Variants in B3GNT7 observed in about 807,000 individuals in gnomAD.
B3GNT7 encodes BGnT-7.
A neutral mutation model predicts 5.1 loss-of-function variants in B3GNT7; 9 were observed. That is an observed-to-expected ratio of 1.77 (90% CI 1.07 to 3.09). B3GNT7 has a LOEUF of 3.09. B3GNT7 is among the 30% of genes most tolerant of loss of function. The probability of loss-of-function intolerance (pLI) is 0.00; values close to 1 mark genes in which losing one functional copy is unlikely to be tolerated. For missense variants in B3GNT7, 468 were observed against 550.8 expected, an observed-to-expected ratio of 0.85 and a Z score of 1.50; for synonymous variants, 253 against 248.6, an observed-to-expected ratio of 1.02 and a Z score of -0.17.
rs2046532992 is a variant in B3GNT7 at position 231,398,221 on chromosome 2, C to T, written c.502C>T (p.Arg168Ter). Reference protein sequence around the residue: ...GRERQSAGGGRGAVRTLFLLG... With the variant: ...GRERQSAGGG ...CGAGCGGCAGTCCGCGGGTGGGGGC[C>T]GAGGCGCCGTGCGCACCCTCTTCCT... Residue 168 changes from arginine (R) to a stop codon, truncating the protein, a stop_gained, in exon 2 of 2, where the codon CGA (arginine) becomes TGA (stop). Coordinates refer to ENST00000287590, the MANE Select transcript of B3GNT7 (RefSeq NM_145236.3). LOFTEE classifies it low-confidence loss of function (END_TRUNC). The T allele has an allele frequency of 6.2e-7, 1 of 1,600,868 alleles. No individual in the cohort carries two copies. Among genetic ancestry groups the T allele is most frequent in the African/African-American group, 1.3e-5 (1 of 74,636 alleles).
At chr2:231,396,766 C>T (rs959679804) in intron 1 of B3GNT7, among the ~76,000 whole-genome samples, 24 of 152,258 alleles carry the variant, frequency 1.6e-4, no homozygotes, top group African/African-American at 5.1e-4. Context: ...TGGCAGCCCC[C>T]GGAGGGTGAG....
Position 231,398,647 on chromosome 2 carries a change from GC to G in B3GNT7, c.931del (p.Arg311GlyfsTer50), listed in dbSNP as rs777983109. The G allele has an allele frequency of 6.2e-7, 1 of 1,611,918 alleles. No individual in the cohort carries two copies. Among genetic ancestry groups the G allele is most frequent in the Non-Finnish European group, 8.5e-7 (1 of 1,179,578 alleles). On this transcript the variant is annotated frameshift_variant, in exon 2 of 2. Coordinates refer to ENST00000287590, the MANE Select transcript of B3GNT7 (RefSeq NM_145236.3). LOFTEE classifies it high-confidence loss of function. ...GGGFLMAGSLARRLHHACDTL... is the reference protein window; with the variant it reads ...GGGFLMAGSLXRRLHHACDTL... Reference sequence around the variant, plus strand: ...TGGCTTCCTCATGGCCGGCAGCCTGGCCCGGCGCCTGCACCATGCCTGCGAC... The same window carrying G: ...TGGCTTCCTCATGGCCGGCAGCCTGGCCGGCGCCTGCACCATGCCTGCGAC...
rs753518546 is a variant in B3GNT7 at position 231,398,550 on chromosome 2, G to C, written c.831G>C (p.Arg277Ser). 1 of 1,613,406 alleles carries C rather than the reference G, an allele frequency of 6.2e-7. No individual in the cohort carries two copies. The highest frequency in any genetic ancestry group is 1.7e-5 in the Admixed American group (1 of 59,986). The part of the protein sequence containing the change: ...DVLQHARPIR[R>S]KDNKYYIPGA... ...TGCAGCACGCTCGGCCCATTCGCAG[G>C]AAAGACAACAAATACTACATCCCGG... Residue 277 changes from arginine (R) to serine (S), a missense_variant, in exon 2 of 2, where the codon AGG (arginine) becomes AGC (serine). Arg to Ser is a moderately radical substitution (Grantham distance 110, BLOSUM62 -1). Coordinates refer to ENST00000287590, the MANE Select transcript of B3GNT7 (RefSeq NM_145236.3).
chr2:231,398,439 C>T lies in B3GNT7; in HGVS notation c.720C>T (p.Asp240=), dbSNP rs762434101. The T allele has an allele frequency of 1.6e-5, 26 of 1,613,768 alleles. No homozygotes were observed. Among genetic ancestry groups the T allele is most frequent in the Middle Eastern group, 1.6e-4 (1 of 6,062 alleles). The change falls in exon 2 of 2, where the codon GAC becomes GAT. Residue 240 remains aspartate (D), a synonymous_variant. Transcript: ENST00000287590. ...ACGTCCCCTTCATTTTCAAAGGCGA[C>T]GATGACGTCTTCGTCAACCCCACCA... ...CPHVPFIFKG[D]DDVFVNPTNL...
rs2046508074 is a variant in B3GNT7, at chr2:231,395,837, G to A, written c.11+23G>A. 1.7e-6 allele frequency: 2 copies of A among 1,160,822 alleles called. No individual in the cohort carries two copies. Among genetic ancestry groups the A allele is most frequent in the South Asian group, 8.4e-5 (2 of 23,704 alleles). The allele number at this position is 1,160,822 out of a possible 1,614,324, so 71.9% of individuals were successfully genotyped here. On this transcript the variant is annotated intron_variant, in intron 1 of 1. Coordinates refer to ENST00000287590, the MANE Select transcript of B3GNT7 (RefSeq NM_145236.3). This position sits in a 1 kb window ranked among gnomAD's most constrained non-coding sequence, Gnocchi z 7.3. Reference sequence around the variant, plus strand: ...GTGGTGAGTGGGGCTGGGGGCCGTCGGGGGCCTGGGCGGGGGCGTGGGCCC... The same window carrying A: ...GTGGTGAGTGGGGCTGGGGGCCGTCAGGGGCCTGGGCGGGGGCGTGGGCCC...
At position 231,395,821 on chromosome 2, in the gene B3GNT7, G is replaced by C; in HGVS notation, c.11+7G>C. On this transcript the variant is annotated splice_region_variant and intron_variant, in intron 1 of 1. Coordinates refer to ENST00000287590, the MANE Select transcript of B3GNT7 (RefSeq NM_145236.3). The surrounding 1 kb of genome is among the most constrained non-coding windows in gnomAD (Gnocchi z 7.3). Reference sequence around the variant, plus strand: ...GGGCCGCCATGTCGCTGTGGTGAGTGGGGCTGGGGGCCGTCGGGGGCCTGG... The same window carrying C: ...GGGCCGCCATGTCGCTGTGGTGAGTCGGGCTGGGGGCCGTCGGGGGCCTGG... The C allele has an allele frequency of 1.7e-6, 2 of 1,167,400 alleles. No homozygotes were observed. Among genetic ancestry groups the C allele is most frequent in the Non-Finnish European group, 2.1e-6 (2 of 946,614 alleles). The allele number at this position is 1,167,400 out of a possible 1,614,324, so 72.3% of individuals were successfully genotyped here.
In B3GNT7 at chr2:231,400,433, T is replaced by A. The variant is rs2046553579; in HGVS notation, c.*1508T>A. ...AGGCCAGAGTTGGCCCCGAGGCTAA[T>A]GTTTCAGTGGGTGAGATTAGGTCGG... On this transcript the variant is annotated 3_prime_UTR_variant, in exon 2 of 2. Coordinates refer to ENST00000287590, the MANE Select transcript of B3GNT7 (RefSeq NM_145236.3). 6.6e-6 allele frequency: 1 copy of A among 152,244 alleles called. No individual in the cohort carries two copies. The highest frequency in any genetic ancestry group is 2.1e-4 in the South Asian group (1 of 4,834). The allele number at this position is 152,244 out of a possible 1,614,324, so 9.4% of individuals were successfully genotyped here. A position where few individuals can be genotyped will look rare whatever the true frequency, so the allele number is the denominator to read the frequency against.
intron 1 of B3GNT7, chr2:231,397,391 C>T (rs1469130708): frequency 1.0e-5 from 4 of 399,058 alleles, no homozygotes; most frequent in Admixed American, 1.0e-4. Flanking sequence ...ACTGTGCACC[C>T]GCTGCCTGGT....
At chr2:231,397,072 T>C (rs539851050) in intron 1 of B3GNT7, 1 of 469,782 alleles carries the variant, frequency 2.1e-6, no homozygotes, top group East Asian at 1.6e-4. Context: ...TGGGCCTCCA[T>C]CAACCATGAG....
In B3GNT7 at chr2:231,399,715, T is replaced by A. The variant is rs1197555997; in HGVS notation, c.*790T>A. Reference sequence around the variant, plus strand: ...CCCGCAGCCCCCACACCCCCAGGCCTGGCTCCCTGGCTGGAAAGCAGCCGG... The same window carrying A: ...CCCGCAGCCCCCACACCCCCAGGCCAGGCTCCCTGGCTGGAAAGCAGCCGG... On this transcript the variant is annotated 3_prime_UTR_variant, in exon 2 of 2. Transcript: ENST00000287590. 1 of 141,262 alleles carries A rather than the reference T, an allele frequency of 7.1e-6. No individual in the cohort carries two copies. The highest frequency in any genetic ancestry group is 1.5e-5 in the Non-Finnish European group (1 of 65,118). The allele number at this position is 141,262 out of a possible 1,614,324, so 8.8% of individuals were successfully genotyped here. A position where few individuals can be genotyped will look rare whatever the true frequency, so the allele number is the denominator to read the frequency against.
At position 231,398,981 on chromosome 2, in the gene B3GNT7, T is replaced by C. The variant is rs948611155; in HGVS notation, c.*56T>C. The C allele has an allele frequency of 3.2e-5, 47 of 1,450,146 alleles. No individual in the cohort carries two copies. The African/African-American group carries it at 4.9e-4, about 15-fold the overall frequency. 89.8% of individuals were successfully genotyped at this position (1,450,146 alleles called of 1,614,324 possible). A position where few individuals can be genotyped will look rare whatever the true frequency, so the allele number is the denominator to read the frequency against. On this transcript the variant is annotated 3_prime_UTR_variant, in exon 2 of 2. Transcript: ENST00000287590. The stretch of plus-strand genomic sequence containing the variant: ...CACTTGCTCCTGAGCCCCCATGGTA[T>C]TGGGGCTGGAGCCACAGTGCCCAGG...
chr2:231,398,034 G>A lies in B3GNT7; in HGVS notation c.315G>A (p.Glu105=). The A allele has an allele frequency of 1.2e-6, 2 of 1,610,018 alleles. No individual in the cohort carries two copies. Among genetic ancestry groups the A allele is most frequent in the Non-Finnish European group, 1.7e-6 (2 of 1,179,884 alleles). Reference sequence around the variant, plus strand: ...ACCAGCCCTGGTTCCAGGTCCTGGAGCCGCAGTTCCGGCAGTTTCTCTTCT... The same window carrying A: ...ACCAGCCCTGGTTCCAGGTCCTGGAACCGCAGTTCCGGCAGTTTCTCTTCT... The part of the protein sequence containing the change: ...LTHQPWFQVL[E]PQFRQFLFYR... Residue 105 remains glutamate (E), a synonymous_variant, in exon 2 of 2, where the codon GAG becomes GAA. Transcript: ENST00000287590.
intron 1 of B3GNT7, among the ~76,000 whole-genome samples, chr2:231,396,334 C>T (rs1349149622): frequency 6.6e-6 from 1 of 152,142 alleles, no homozygotes; most frequent in East Asian, 1.9e-4. Flanking sequence ...GTGCACCCCC[C>T]GACCTCCCCC....
chr2:231,400,894 A>G lies in B3GNT7; in HGVS notation c.*1969A>G, dbSNP rs746684065. On this transcript the variant is annotated 3_prime_UTR_variant, in exon 2 of 2. Coordinates refer to ENST00000287590, the MANE Select transcript of B3GNT7 (RefSeq NM_145236.3). ...GGCCCTGGTGGTTAAAATGATAATA[A>G]TATTAACCCCTGACCAAAACGACTG... 1 of 152,204 alleles carries G rather than the reference A, an allele frequency of 6.6e-6. No individual in the cohort carries two copies. Among genetic ancestry groups the G allele is most frequent in the Non-Finnish European group, 1.5e-5 (1 of 68,024 alleles). 9.4% of individuals were successfully genotyped at this position (152,204 alleles called of 1,614,324 possible). A position where few individuals can be genotyped will look rare whatever the true frequency, so the allele number is the denominator to read the frequency against.
chr2:231,399,810 G>C lies in B3GNT7; in HGVS notation c.*885G>C, dbSNP rs2046548616. ...TTTATGAAGAATTTGGAGGGAGAAG[G>C]CTCCAGGCTTCAGGAGGGGGTGGTG... On this transcript the variant is annotated 3_prime_UTR_variant, in exon 2 of 2. Transcript: ENST00000287590. The C allele has an allele frequency of 6.6e-6, 1 of 152,290 alleles. No individual in the cohort carries two copies. The highest frequency in any genetic ancestry group is 1.5e-5 in the Non-Finnish European group (1 of 68,096). 9.4% of individuals were successfully genotyped at this position (152,290 alleles called of 1,614,324 possible). A position where few individuals can be genotyped will look rare whatever the true frequency, so the allele number is the denominator to read the frequency against.
At position 231,398,515 on chromosome 2, in the gene B3GNT7, G is replaced by A. The variant is rs1318521007; in HGVS notation, c.796G>A (p.Gly266Ser). 6.2e-7 allele frequency: 1 copy of A among 1,613,648 alleles called. No homozygotes were observed. Among genetic ancestry groups the A allele is most frequent in the Non-Finnish European group, 8.5e-7 (1 of 1,179,880 alleles). ...DRQPQENLFVGDVLQHARPIR... is the reference protein window; with the variant it reads ...DRQPQENLFVSDVLQHARPIR... ...GCAGCCACAGGAAAACCTGTTCGTG[G>A]GCGATGTCCTGCAGCACGCTCGGCC... Residue 266 changes from glycine (G) to serine (S), a missense_variant, in exon 2 of 2, where the codon GGC becomes AGC. By Grantham distance (56) the Gly-to-Ser change is moderately conservative. Coordinates refer to ENST00000287590, the MANE Select transcript of B3GNT7 (RefSeq NM_145236.3).
Position 231,398,264 on chromosome 2 carries a change from A to T in B3GNT7, c.545A>T (p.Lys182Met), listed in dbSNP as rs1178805457. The change falls in exon 2 of 2, where the codon AAG (lysine) becomes ATG (methionine). Residue 182 changes from lysine (K) to methionine (M), a missense_variant. Transcript: ENST00000287590. ...CTCTTCCTGCTGGGCACGGCCTCCA[A>T]GCAGGAGGAGCGCACGCACTACCAG... The part of the protein sequence containing the change: ...RTLFLLGTAS[K>M]QEERTHYQQL... The T allele has an allele frequency of 6.2e-7, 1 of 1,612,660 alleles. No homozygotes were observed. Among genetic ancestry groups the T allele is most frequent in the Admixed American group, 1.7e-5 (1 of 60,010 alleles).
In B3GNT7 at chr2:231,398,028, C is replaced by CAA; in HGVS notation, c.309_310insAA (p.Leu104AsnfsTer22). The CAA allele has an allele frequency of 2.5e-6, 4 of 1,610,136 alleles. No individual in the cohort carries two copies. Among genetic ancestry groups the CAA allele is most frequent in the Non-Finnish European group, 3.4e-6 (4 of 1,179,888 alleles). On this transcript the variant is annotated frameshift_variant, in exon 2 of 2. Transcript: ENST00000287590. LOFTEE classifies it low-confidence loss of function (END_TRUNC). ...TGACCCACCAGCCCTGGTTCCAGGT[C>CAA]CTGGAGCCGCAGTTCCGGCAGTTTC... is the stretch of plus-strand genomic sequence containing the variant.
rs766454018 is a variant in B3GNT7, at chr2:231,398,218, G to A, written c.499G>A (p.Gly167Ser). Reference protein sequence around the residue: ...WGRERQSAGGGRGAVRTLFLL... With the variant: ...WGRERQSAGGSRGAVRTLFLL... ...CCGCGAGCGGCAGTCCGCGGGTGGG[G>A]GCCGAGGCGCCGTGCGCACCCTCTT... Residue 167 changes from glycine to serine, a missense_variant, in exon 2 of 2, where the codon GGC becomes AGC. Transcript: ENST00000287590. The A allele has an allele frequency of 6.2e-7, 1 of 1,600,498 alleles. No individual in the cohort carries two copies. The highest frequency in any genetic ancestry group is 8.5e-7 in the Non-Finnish European group (1 of 1,173,204).
Sources: gnomAD v4.1 joint callset for allele counts (sites outside exome capture counted in the v4.1 genomes callset) on GRCh38, gnomAD v4.1.1 for gene constraint, Gnocchi (gnomAD v3.1) non-coding constraint, MANE v1.5 for transcripts, NCBI Gene and HGNC (gene_info 2026-07-23, HGNC 2026-07-21) for gene names.